RBM47: variants seen among roughly 807,000 people sequenced by gnomAD.
The protein encoded by RBM47 is RNA binding motif protein 47.
A neutral mutation model predicts 47.1 loss-of-function variants in RBM47; 21 were observed. The ratio of observed to expected loss-of-function variants is 0.45; its 90% CI spans 0.32 to 0.64. The LOEUF (loss-of-function observed/expected upper bound fraction) is 0.64. Ranked by LOEUF, RBM47 falls within the 30% of genes least tolerant of loss-of-function variation. The pLI is 0.05. For synonymous variants in RBM47, 375 were observed against 361.7 expected (o/e 1.04, Z -0.42); for missense variants, 708 against 870.9 (o/e 0.81, Z 2.35).
At chr4:40,627,740 A>AG (rs1737873503) in intron 1 of RBM47, among the ~76,000 whole-genome samples, 1 of 152,230 alleles carries the variant, frequency 6.6e-6, no homozygotes, top group Non-Finnish European at 1.5e-5. Flanking sequence ...AGTCTATAGA[A>AG]CACGTGTCCA....
chr4:40,513,185 C>T (rs1436197088), intron 2 of RBM47, among the ~76,000 whole-genome samples: 1 of 152,154 alleles, frequency 6.6e-6, no homozygotes, highest in African/African-American at 2.4e-5. Flanking sequence ...TCATTTCTTC[C>T]AGCCGTTTTC....
chr4:40,522,967 CTTTTTT>C (rs529306760), intron 2 of RBM47, among the ~76,000 whole-genome samples: 1 of 116,912 alleles, frequency 8.6e-6, no homozygotes, highest in Admixed American at 8.8e-5. Context: ...TCTCAAAAAT[CTTTTTT>C]TTTTTTTTTT....
intron 2 of RBM47, among the ~76,000 whole-genome samples, chr4:40,538,328 G>GTTTTTTTT (rs34309510): frequency 3.2e-5 from 4 of 125,808 alleles, no homozygotes; most frequent in East Asian, 2.3e-4. Flanking sequence ...TATTGGTATT[G>GTTTTTTTT]TTTTTTTTTT....
intron 1 of RBM47, among the ~76,000 whole-genome samples, chr4:40,561,544 C>CTTTTCTTTTTTTTT (rs1560470026): frequency 8.0e-6 from 1 of 124,576 alleles, no homozygotes; most frequent in African/African-American, 3.4e-5. Context: ...TTCTTCTTTT[C>CTTTTCTTTTTTTTT]TTTTTTTTTT....
At chr4:40,439,021 G>C (rs1307833516) in intron 3 of RBM47, 97 bp from the exon 4 acceptor site, 3 of 1,046,830 alleles carry the variant, frequency 2.9e-6, no homozygotes, top group Non-Finnish European at 4.0e-6. Context: ...AATAGGCCAC[G>C]GGGAAGGGGA....
At chr4:40,426,556 TAG>T (rs1715075655) in intron 6 of RBM47, among the ~76,000 whole-genome samples, 2 of 152,256 alleles carry the variant, frequency 1.3e-5, no homozygotes, top group African/African-American at 4.8e-5. Context: ...TTTTTTTTCA[TAG>T]AGACAAGGTC....
intron 1 of RBM47, among the ~76,000 whole-genome samples, chr4:40,576,322 T>A (rs3828533): frequency 0.17 from 25,438 of 149,542 alleles, 2,313 homozygotes; most frequent in Admixed American, 0.25. Flanking sequence ...ATCAATTTTT[T>A]AAAAAAATTT....
At chr4:40,453,775 C>T (rs1715806351) in intron 3 of RBM47, among the ~76,000 whole-genome samples, 1 of 152,056 alleles carries the variant, frequency 6.6e-6, no homozygotes, top group South Asian at 2.1e-4. Context: ...TAAATGCAAT[C>T]CTCCCTACAG....
intron 1 of RBM47, among the ~76,000 whole-genome samples, chr4:40,573,884 T>C (rs1732040556): frequency 7.0e-6 from 1 of 143,292 alleles, no homozygotes; most frequent in Non-Finnish European, 1.5e-5. Flanking sequence ...TAATGAAAAA[T>C]TGGAACAGTT....
At chr4:40,459,908 C>T (rs552901304) in intron 3 of RBM47, among the ~76,000 whole-genome samples, 1 of 152,310 alleles carries the variant, frequency 6.6e-6, no homozygotes, top group Non-Finnish European at 1.5e-5. Flanking sequence ...GCATGTGCCA[C>T]CATGCCTATA....
chr4:40,519,103 AG>A (rs1431049105), intron 2 of RBM47, among the ~76,000 whole-genome samples: 1 of 152,008 alleles, frequency 6.6e-6, no homozygotes, highest in Non-Finnish European at 1.5e-5. Context: ...TGGGAGGCTG[AG>A]GTGGGAGGAT....
chr4:40,554,405 C>CAAAAAAA (rs59793972), intron 1 of RBM47, among the ~76,000 whole-genome samples: 2 of 91,032 alleles, frequency 2.2e-5, no homozygotes, highest in Middle Eastern at 5.8e-3. Flanking sequence ...AAGCAAACCT[C>CAAAAAAA]AAAAAAAAAA....
intron 1 of RBM47, among the ~76,000 whole-genome samples, chr4:40,573,801 G>GA (rs1481292895): frequency 6.8e-5 from 7 of 102,694 alleles, no homozygotes; most frequent in African/African-American, 1.8e-4. Context: ...GAGAGAGAAA[G>GA]AAAGAAAAAG....
Position 40,438,187 on chromosome 4 carries a change from T to G in RBM47, c.707A>C (p.Asp236Ala). 6.2e-7 allele frequency: 1 copy of G among 1,609,424 alleles called. No homozygotes were observed. The highest frequency in any genetic ancestry group is 1.1e-5 in the South Asian group (1 of 91,084). ...IAVDWAEPEIDVDEDVMETVK... is the reference protein window; with the variant it reads ...IAVDWAEPEIAVDEDVMETVK... ...GGTCTCCATCACGTCCTCGTCCACGTCGATCTCAGGTTCGGCCCAGTCCAC... is the reference window on the plus strand; with the variant it reads ...GGTCTCCATCACGTCCTCGTCCACGGCGATCTCAGGTTCGGCCCAGTCCAC... Residue 236 changes from aspartate to alanine, a missense_variant, in exon 4 of 7, where the codon GAC becomes GCC. Coordinates refer to ENST00000295971, the MANE Select transcript of RBM47 (RefSeq NM_001098634.2).
At chr4:40,452,875 ACT>A (rs780735001) in intron 3 of RBM47, among the ~76,000 whole-genome samples, 16 of 130,964 alleles carry the variant, frequency 1.2e-4, no homozygotes, top group African/African-American at 4.0e-4. Flanking sequence ...ACAGAGTCTG[ACT>A]CTGTCACCCA....
In RBM47 at chr4:40,432,877, A is replaced by T. The variant is rs1711567056; in HGVS notation, c.1331-15T>A. The T allele has an allele frequency of 1.2e-6, 2 of 1,613,196 alleles. No homozygotes were observed. The highest frequency in any genetic ancestry group is 4.5e-5 in the East Asian group (2 of 44,858). On this transcript the variant is annotated splice_polypyrimidine_tract_variant and intron_variant, in intron 5 of 6. Transcript: ENST00000295971. ...AGGGATGGCTACTGCAAGAGAAGCAAGAAGGAAAAACAGGTCAATCACTTT... is the reference window on the plus strand; with the variant it reads ...AGGGATGGCTACTGCAAGAGAAGCATGAAGGAAAAACAGGTCAATCACTTT...
intron 2 of RBM47, among the ~76,000 whole-genome samples, chr4:40,534,091 C>T (rs1334198734): frequency 1.3e-5 from 2 of 152,036 alleles, no homozygotes; most frequent in East Asian, 3.9e-4. Flanking sequence ...GCTGGGATTA[C>T]AGGCATGAGC....
At chr4:40,569,302 C>T (rs112807505) in intron 1 of RBM47, among the ~76,000 whole-genome samples, 13 of 152,040 alleles carry the variant, frequency 8.6e-5, no homozygotes, top group African/African-American at 3.1e-4. Context: ...CTTCAAAGGG[C>T]TAGCAGGCCG....
chr4:40,626,034 T>C (rs1737704867), intron 1 of RBM47, among the ~76,000 whole-genome samples: 2 of 152,210 alleles, frequency 1.3e-5, no homozygotes, highest in African/African-American at 2.4e-5. Flanking sequence ...AGAGCTACTA[T>C]AGTCACAATC....
Sources: gnomAD v4.1 joint callset for allele counts (sites outside exome capture counted in the v4.1 genomes callset) on GRCh38, gnomAD v4.1.1 for gene constraint, MANE v1.5 for transcripts, NCBI Gene and HGNC (gene_info 2026-07-23, HGNC 2026-07-21) for gene names.